EXOC7: variants seen among roughly 807,000 people sequenced by gnomAD.
EXOC7 encodes the protein exocyst complex component 7.
EXOC7 carries 51 observed loss-of-function variants against 87.6 expected under a neutral mutation model. The observed-to-expected ratio is 0.58, with a 90% CI of 0.46 to 0.73. The LOEUF (loss-of-function observed/expected upper bound fraction) is 0.73. Among genes scored for constraint, EXOC7 ranks in the 30% least tolerant of loss-of-function variants. The pLI is 0.00. For missense variants in EXOC7, 744 were observed against 888.4 expected, an observed-to-expected ratio of 0.84 and a Z score of 2.07; for synonymous variants, 327 against 357.1, an observed-to-expected ratio of 0.92 and a Z score of 0.95.
intron 3 of EXOC7, 148 bp from the exon 4 acceptor site, chr17:76,101,524 A>C (rs547250235): frequency 1.5e-6 from 2 of 1,349,080 alleles, no homozygotes; most frequent in South Asian, 2.8e-5. Context: ...CCTAGGGCTT[A>C]AAAGGCGTCT....
At chr17:76,084,632 C>T in intron 15 of EXOC7, 52 bp from the exon 16 acceptor site, 1 of 1,555,384 alleles carries the variant, frequency 6.4e-7, no homozygotes, top group Non-Finnish European at 8.8e-7. Flanking sequence ...GCCTCAGTGG[C>T]CTGGCTTGTT....
At position 76,088,554 on chromosome 17, in the gene EXOC7, A is replaced by G. The variant is rs2144621102; in HGVS notation, c.1209T>C (p.Ala403=). ...PEFDQVLQGT[A]ASTKNKLPGL... is the part of the protein sequence containing the mutation. ...CAGGCAGCTTGTTCTTTGTGCTGGCAGCCGTGCCCTGAGGAAGCACAGGGG... is the reference window on the plus strand; with the variant it reads ...CAGGCAGCTTGTTCTTTGTGCTGGCGGCCGTGCCCTGAGGAAGCACAGGGG... The change falls in exon 10 of 19, where the codon GCT becomes GCC. Residue 403 remains alanine (A), a synonymous_variant. Transcript: ENST00000589210. 1 of 1,613,538 alleles carries G rather than the reference A, an allele frequency of 6.2e-7. No individual in the cohort carries two copies. Among genetic ancestry groups the G allele is most frequent in the Non-Finnish European group, 8.5e-7 (1 of 1,179,822 alleles).
Position 76,087,955 on chromosome 17 carries a change from C to T in EXOC7, c.1362+105G>A. 6 of 1,360,422 alleles carry T rather than the reference C, an allele frequency of 4.4e-6. No individual in the cohort carries two copies. In the Admixed American group the frequency reaches 9.4e-5, roughly 21 times the overall value. 84.3% of individuals were successfully genotyped at this position (1,360,422 alleles called of 1,614,324 possible). On this transcript the variant is annotated intron_variant, in intron 11 of 18. Coordinates refer to ENST00000589210, the MANE Select transcript of EXOC7 (RefSeq NM_001013839.4). ...GGACTGCTCACAAAGGTGCGAGCGG[C>T]TCTGGGCCAGGCTGAGTCCCTTCCA...
chr17:76,094,530 A>G lies in EXOC7; in HGVS notation c.692T>C (p.Ile231Thr). 6.2e-7 allele frequency: 1 copy of G among 1,613,990 alleles called. No homozygotes were observed. Among genetic ancestry groups the G allele is most frequent in the South Asian group, 1.1e-5 (1 of 91,072 alleles). ...QIRSSQLDRS[I>T]KGLKEHFHKS... ...ATGGAAATGCTCCTTCAGTCCTTTGATGGAGCGGTCCAGCTGGCTGGAGCG... is the reference window on the plus strand; with the variant it reads ...ATGGAAATGCTCCTTCAGTCCTTTGGTGGAGCGGTCCAGCTGGCTGGAGCG... Residue 231 changes from isoleucine to threonine, a missense_variant, in exon 6 of 19, where the codon ATC (isoleucine) becomes ACC (threonine). Physicochemically the swap from Ile to Thr is moderately conservative, Grantham distance 89 (BLOSUM62 -1). Around this residue, in one of 3 missense-constraint regions of EXOC7, gnomAD observed 512 missense variants for 573.0 expected, o/e 0.89. Coordinates refer to ENST00000589210, the MANE Select transcript of EXOC7 (RefSeq NM_001013839.4).
intron 5 of EXOC7, among the ~76,000 whole-genome samples, chr17:76,095,368 A>T (rs917949108): frequency 6.6e-6 from 1 of 151,934 alleles, no homozygotes; most frequent in Non-Finnish European, 1.5e-5. Flanking sequence ...TCCCGGGTTA[A>T]AGTGATTCTC....
chr17:76,085,134 A>C, intron 15 of EXOC7, 180 bp downstream of exon 15: 1 of 609,550 alleles, frequency 1.6e-6, no homozygotes. Flanking sequence ...AGGAGCAGGT[A>C]GTGGTAGAGG....
In EXOC7 at chr17:76,091,441, A is replaced by C. The variant is rs901039164; in HGVS notation, c.809-206T>G. ...CTCCAAATGGAGCCTTGATTCTACTACCGACCCTCCTTGTTCTGGATTTCA... is the reference window on the plus strand; with the variant it reads ...CTCCAAATGGAGCCTTGATTCTACTCCCGACCCTCCTTGTTCTGGATTTCA... On this transcript the variant is annotated intron_variant, in intron 6 of 18. Coordinates refer to ENST00000589210, the MANE Select transcript of EXOC7 (RefSeq NM_001013839.4). 5.2e-6 allele frequency: 3 copies of C among 571,672 alleles called. No individual in the cohort carries two copies. The East Asian group carries it at 8.8e-5, about 17-fold the overall frequency. 35.4% of individuals were successfully genotyped at this position (571,672 alleles called of 1,614,324 possible). A position where few individuals can be genotyped will look rare whatever the true frequency, so the allele number is the denominator to read the frequency against.
rs953072077 is a variant in EXOC7, at chr17:76,094,526, T to C, written c.696A>G (p.Lys232=). The C allele has an allele frequency of 1.2e-6, 2 of 1,613,914 alleles. No homozygotes were observed. Among genetic ancestry groups the C allele is most frequent in the Non-Finnish European group, 1.7e-6 (2 of 1,179,980 alleles). Residue 232 remains lysine (K), a synonymous_variant, in exon 6 of 19, where the codon AAA becomes AAG. Coordinates refer to ENST00000589210, the MANE Select transcript of EXOC7 (RefSeq NM_001013839.4). The part of the protein sequence containing the change: ...IRSSQLDRSI[K]GLKEHFHKSS... ...TCTTATGGAAATGCTCCTTCAGTCCTTTGATGGAGCGGTCCAGCTGGCTGG... is the reference window on the plus strand; with the variant it reads ...TCTTATGGAAATGCTCCTTCAGTCCCTTGATGGAGCGGTCCAGCTGGCTGG...
chr17:76,087,986 A>T, intron 11 of EXOC7, 74 bp downstream of exon 11: 1 of 1,549,508 alleles, frequency 6.5e-7, no homozygotes, highest in Non-Finnish European at 8.9e-7. Flanking sequence ...TTCCACCAGT[A>T]CTCTGCCTGG....
Position 76,089,158 on chromosome 17 carries a change from CCGGGG to C in EXOC7, c.1047+12_1047+16del. The C allele has an allele frequency of 6.2e-7, 1 of 1,612,010 alleles. No homozygotes were observed. Among genetic ancestry groups the C allele is most frequent in the African/African-American group, 1.3e-5 (1 of 74,980 alleles). On this transcript the variant is annotated intron_variant, in intron 8 of 18. Coordinates refer to ENST00000589210, the MANE Select transcript of EXOC7 (RefSeq NM_001013839.4). The stretch of plus-strand genomic sequence containing the variant: ...CTTGCTGGGGCTGGCTGCAGAGCCC[CCGGGG>C]CGGGGCGGGACCTGTATCAGGGAGT...
chr17:76,088,479 G>T lies in EXOC7; in HGVS notation c.1284C>A (p.Phe428Leu). The T allele has an allele frequency of 6.2e-7, 1 of 1,613,948 alleles. No homozygotes were observed. The highest frequency in any genetic ancestry group is 1.1e-5 in the South Asian group (1 of 91,058). Reference sequence around the variant, plus strand: ...CAGCAGGGACCTTGATGTTGTCTGCGAAGTCCTCCAGCGCTTTGGCACCGA... The same window carrying T: ...CAGCAGGGACCTTGATGTTGTCTGCTAAGTCCTCCAGCGCTTTGGCACCGA... ...ETIGAKALED[F>L]ADNIKNDPDK... The change falls in exon 10 of 19, where the codon TTC becomes TTA. Residue 428 changes from phenylalanine (F) to leucine (L), a missense_variant. This residue lies in a region of EXOC7 where 512 missense variants were observed against 573.0 expected (regional missense o/e 0.89). Coordinates refer to ENST00000589210, the MANE Select transcript of EXOC7 (RefSeq NM_001013839.4).
chr17:76,096,130 C>A (rs918737751), intron 5 of EXOC7, among the ~76,000 whole-genome samples: 2 of 152,192 alleles, frequency 1.3e-5, no homozygotes, highest in African/African-American at 4.8e-5. Flanking sequence ...GGCCGTGAGA[C>A]CTGCCGCCAC....
Position 76,081,972 on chromosome 17 carries a change from G to C in EXOC7, c.*1676C>G. On this transcript the variant is annotated 3_prime_UTR_variant, in exon 19 of 19. Coordinates refer to ENST00000589210, the MANE Select transcript of EXOC7 (RefSeq NM_001013839.4). ...GGGCTGCTGGCCCGGGGCAACCTTG[G>C]GGCCAAGAGCGGCCCCAGCCCAGCC... is the stretch of plus-strand genomic sequence containing the variant. 2.5e-6 allele frequency: 4 copies of C among 1,612,668 alleles called. No individual in the cohort carries two copies. In the South Asian group the frequency reaches 4.4e-5, roughly 18 times the overall value.
Position 76,083,670 on chromosome 17 carries a change from C to G in EXOC7, c.2033G>C (p.Arg678Pro), listed in dbSNP as rs528551097. ...GVEQVGDMID[R>P]LFDTSA is the part of the protein sequence containing the mutation. ...GGCTCAGGCAGAGGTGTCGAAAAGG[C>G]GATCGATCATGTCGCCCACCTGCTC... Residue 678 changes from arginine (R) to proline (P), a missense_variant, in exon 19 of 19, where the codon CGC becomes CCC. Arg to Pro is a moderately radical substitution (Grantham distance 103). Transcript: ENST00000589210. The G allele has an allele frequency of 1.2e-6, 2 of 1,613,860 alleles. No homozygotes were observed. Among genetic ancestry groups the G allele is most frequent in the South Asian group, 2.2e-5 (2 of 91,076 alleles).
intron 15 of EXOC7, 25 bp from the exon 16 acceptor site, chr17:76,084,605 A>T (rs763931242): frequency 1.2e-6 from 2 of 1,607,754 alleles, no homozygotes; most frequent in Non-Finnish European, 1.7e-6. Flanking sequence ...GAGAAGCATG[A>T]GGGCAGAGGG....
rs781078929 is a variant in EXOC7 at position 76,082,528 on chromosome 17, C to A, written c.*1120G>T. The A allele has an allele frequency of 1.2e-6, 2 of 1,613,878 alleles. No homozygotes were observed. The highest frequency in any genetic ancestry group is 1.7e-6 in the Non-Finnish European group (2 of 1,179,948). ...TGAGACTGCTGACCGCATCTTCTTC[C>A]TCGTGTATGTGGTTGGGGTGCTGTG... On this transcript the variant is annotated 3_prime_UTR_variant, in exon 19 of 19. Transcript: ENST00000589210.
intron 7 of EXOC7, chr17:76,090,616 T>C (rs2067435419): frequency 1.3e-6 from 1 of 775,592 alleles, no homozygotes; most frequent in Admixed American, 2.8e-5. Flanking sequence ...CCCAGGACCG[T>C]CCTTAGCTGC....
In EXOC7 at chr17:76,097,811, A is replaced by G; in HGVS notation, c.625T>C (p.Tyr209His). ...AATCCCTTACCTTGGTTGCGGCCAT[A>G]TTCCACCAGCCAGCGGGAGATGCGA... ...VIRISRWLVE[Y>H]GRNQDFMNVY... Residue 209 changes from tyrosine to histidine, a missense_variant, in exon 5 of 19, where the codon TAT becomes CAT. Tyr to His is a moderately conservative substitution (Grantham distance 83). Transcript: ENST00000589210. 2 of 1,612,420 alleles carry G rather than the reference A, an allele frequency of 1.2e-6. No individual in the cohort carries two copies. Among genetic ancestry groups the G allele is most frequent in the Non-Finnish European group, 8.5e-7 (1 of 1,179,346 alleles).
rs770607045 is a variant in EXOC7 at position 76,082,553 on chromosome 17, G to C, written c.*1095C>G. 12 of 1,613,696 alleles carry C rather than the reference G, an allele frequency of 7.4e-6. No individual in the cohort carries two copies. The Admixed American group carries it at 1.5e-4, about 20-fold the overall frequency. Reference sequence around the variant, plus strand: ...CTCGTGTATGTGGTTGGGGTGCTGTGCACCCAATTCGTCTTTGCAGGAATC... The same window carrying C: ...CTCGTGTATGTGGTTGGGGTGCTGTCCACCCAATTCGTCTTTGCAGGAATC... On this transcript the variant is annotated 3_prime_UTR_variant, in exon 19 of 19. Transcript: ENST00000589210.
Sources: allele counts gnomAD v4.1 joint callset (sites outside exome capture counted in the v4.1 genomes callset), GRCh38; gene constraint gnomAD v4.1.1; regional missense constraint gnomAD v4.1.1; transcripts MANE v1.5; gene names NCBI Gene and HGNC (gene_info 2026-07-23, HGNC 2026-07-21).